Variants in ARHGEF38 observed in about 807,000 individuals in gnomAD.
ARHGEF38 encodes the protein Rho guanine nucleotide exchange factor 38.
A neutral mutation model predicts 79.9 loss-of-function variants in ARHGEF38; 79 were observed. That is an observed-to-expected ratio of 0.99 (90% confidence interval 0.82 to 1.19). The LOEUF is 1.19. Among genes scored for constraint, ARHGEF38 ranks in the 50% most tolerant of loss-of-function variants. The pLI, the probability that ARHGEF38 is intolerant of heterozygous loss-of-function variation, is 0.00. For synonymous variants in ARHGEF38, 366 were observed against 328.3 expected (o/e 1.11, Z -1.24); for missense variants, 962 against 907.2 (o/e 1.06, Z -0.78).
chr4:105,645,765 C>T (rs867630735), intron 6 of ARHGEF38, among the ~76,000 whole-genome samples: 9 of 152,176 alleles, frequency 5.9e-5, no homozygotes, highest in Middle Eastern at 3.4e-3. Flanking sequence ...GCAGAAAGCA[C>T]CCAGGAAAGG....
intron 1 of ARHGEF38, among the ~76,000 whole-genome samples, chr4:105,582,934 G>A (rs748875698): frequency 2.6e-5 from 4 of 152,182 alleles, no homozygotes; most frequent in Middle Eastern, 3.4e-3. Flanking sequence ...TTTTATCTGT[G>A]TAAAATAGCT....
intron 1 of ARHGEF38, among the ~76,000 whole-genome samples, chr4:105,560,052 A>G (rs1470680533): frequency 6.6e-6 from 1 of 152,210 alleles, no homozygotes; most frequent in Non-Finnish European, 1.5e-5. Flanking sequence ...TATTTTATAC[A>G]TATGATTTAC....
chr4:105,590,140 A>AAAAAAAG (rs1560706230), intron 2 of ARHGEF38, among the ~76,000 whole-genome samples: 9 of 145,068 alleles, frequency 6.2e-5, no homozygotes, highest in African/African-American at 2.5e-4. Context: ...AGAAAGAAAA[A>AAAAAAAG]AAAGAAAGAA....
chr4:105,666,570 G>A (rs1730757450), intron 11 of ARHGEF38, among the ~76,000 whole-genome samples: 1 of 152,076 alleles, frequency 6.6e-6, no homozygotes, highest in Admixed American at 6.6e-5. Flanking sequence ...TCACAAGGTA[G>A]GAGGCACTCA....
chr4:105,673,359 G>A (rs72670002), intron 13 of ARHGEF38, among the ~76,000 whole-genome samples: 6,438 of 152,100 alleles, frequency 0.042, 195 homozygotes, highest in Middle Eastern at 0.13. Context: ...AGTTTTGGGG[G>A]GCAGTTCAGT....
intron 2 of ARHGEF38, among the ~76,000 whole-genome samples, chr4:105,590,106 GGAAGGA>G (rs1727259694): frequency 7.4e-6 from 1 of 135,622 alleles, no homozygotes; most frequent in Non-Finnish European, 1.5e-5. Flanking sequence ...AAGGAAGGAA[GGAAGGA>G]AGGAAGGAAG....
At chr4:105,553,501 T>A (rs1327339309) in intron 1 of ARHGEF38, among the ~76,000 whole-genome samples, 1 of 152,194 alleles carries the variant, frequency 6.6e-6, no homozygotes, top group Non-Finnish European at 1.5e-5. Context: ...TTCACTTAGG[T>A]GATTATTTCC....
At chr4:105,554,811 TAAAAC>T (rs2110384368) in intron 1 of ARHGEF38, among the ~76,000 whole-genome samples, 2 of 152,266 alleles carry the variant, frequency 1.3e-5, no homozygotes, top group Non-Finnish European at 2.9e-5. Context: ...ACCATAATGA[TAAAAC>T]AGAACTTGCC....
chr4:105,623,061 G>A (rs1728803198), intron 3 of ARHGEF38, among the ~76,000 whole-genome samples: 1 of 152,254 alleles, frequency 6.6e-6, no homozygotes, highest in Admixed American at 6.5e-5. Flanking sequence ...TTTCAATGGG[G>A]ACAACAAGAC....
chr4:105,632,467 A>AT (rs1240108948), intron 4 of ARHGEF38, among the ~76,000 whole-genome samples: 1 of 152,188 alleles, frequency 6.6e-6, no homozygotes, highest in African/African-American at 2.4e-5. Context: ...CAGTGTTAGT[A>AT]TATCAATTCA....
At chr4:105,582,186 G>A (rs561127841) in intron 1 of ARHGEF38, among the ~76,000 whole-genome samples, 25 of 119,914 alleles carry the variant, frequency 2.1e-4, no homozygotes, top group Admixed American at 7.7e-4. Flanking sequence ...AAAAAATCTC[G>A]TATTCCTTGC....
At chr4:105,632,039 G>A (rs1025742382) in intron 4 of ARHGEF38, among the ~76,000 whole-genome samples, 1 of 152,126 alleles carries the variant, frequency 6.6e-6, no homozygotes, top group Non-Finnish European at 1.5e-5. Flanking sequence ...CAACGGGGAT[G>A]GGGATGGGGA....
chr4:105,561,449 G>GGAATAGAATAGAATAGAATAGAATA (rs1163338378), intron 1 of ARHGEF38: 2 of 45,634 alleles, frequency 4.4e-5, no homozygotes, highest in Admixed American at 5.0e-4. Flanking sequence ...AGAATAGAAT[G>GGAATAGAATAGAATAGAATAGAATA]GAATAGAATA....
At chr4:105,599,773 T>C (rs1727745020) in intron 2 of ARHGEF38, among the ~76,000 whole-genome samples, 1 of 152,216 alleles carries the variant, frequency 6.6e-6, no homozygotes, top group African/African-American at 2.4e-5. Flanking sequence ...TTTATTAATA[T>C]GCACTTATGT....
chr4:105,557,275 T>C (rs1725296482), intron 1 of ARHGEF38, among the ~76,000 whole-genome samples: 2 of 152,170 alleles, frequency 1.3e-5, no homozygotes, highest in African/African-American at 4.8e-5. Context: ...TATACATGTA[T>C]GTACTTGTAT....
At chr4:105,618,804 T>C (rs1560725427) in intron 3 of ARHGEF38, among the ~76,000 whole-genome samples, 1 of 152,154 alleles carries the variant, frequency 6.6e-6, no homozygotes, top group Non-Finnish European at 1.5e-5. Flanking sequence ...AAGGGAAAGG[T>C]GGTAACTTTA....
intron 1 of ARHGEF38, among the ~76,000 whole-genome samples, chr4:105,578,679 T>C (rs1332262120): frequency 6.6e-6 from 1 of 152,212 alleles, no homozygotes; most frequent in African/African-American, 2.4e-5. Context: ...TTTTTGTCTT[T>C]TACTGTTGTT....
chr4:105,636,960 A>G (rs1729421377), intron 5 of ARHGEF38, among the ~76,000 whole-genome samples: 1 of 152,160 alleles, frequency 6.6e-6, no homozygotes, highest in South Asian at 2.1e-4. Flanking sequence ...ATTATTTTAG[A>G]AAAACAGCGT....
intron 1 of ARHGEF38, among the ~76,000 whole-genome samples, chr4:105,561,424 G>GGAATAGAATAGAATA (rs1725544021): frequency 3.8e-5 from 2 of 53,024 alleles, no homozygotes; most frequent in East Asian, 6.0e-4. Flanking sequence ...AGAATAGAAT[G>GGAATAGAATAGAATA]GAATAGAATA....
Sources: allele counts gnomAD v4.1 joint callset (sites outside exome capture counted in the v4.1 genomes callset), GRCh38; gene constraint gnomAD v4.1.1; transcripts MANE v1.5; gene names NCBI Gene and HGNC (gene_info 2026-07-23, HGNC 2026-07-21).